CEMIP: variants seen among roughly 807,000 people sequenced by gnomAD.
CEMIP encodes the protein cell migration-inducing and hyaluronan-binding protein.
CEMIP carries 105 observed loss-of-function variants against 156.9 expected under a neutral mutation model. The observed-to-expected ratio is 0.67, with a 90% CI of 0.57 to 0.79. CEMIP has a LOEUF of 0.79. CEMIP is among the 30% of genes least tolerant of loss of function. The pLI is 0.00. For synonymous variants in CEMIP, 676 were observed against 668.4 expected, an observed-to-expected ratio of 1.01 and a Z score of -0.17; for missense variants, 1,457 against 1,769.4, an observed-to-expected ratio of 0.82 and a Z score of 3.17.
intron 1 of CEMIP, among the ~76,000 whole-genome samples, chr15:80,802,865 C>A (rs1016277703): frequency 1.3e-5 from 2 of 152,096 alleles, no homozygotes; most frequent in African/African-American, 4.8e-5. Context: ...GGAGGAATAC[C>A]CTTGGTTTTG....
chr15:80,858,725 CA>C (rs549541547), intron 1 of CEMIP, among the ~76,000 whole-genome samples: 13 of 146,092 alleles, frequency 8.9e-5, no homozygotes, highest in Non-Finnish European at 1.4e-4. Context: ...AACTCCATCT[CA>C]AAAAAAAAAG....
chr15:80,825,383 A>G (rs1897011333), intron 1 of CEMIP, among the ~76,000 whole-genome samples: 1 of 152,234 alleles, frequency 6.6e-6, no homozygotes, highest in Non-Finnish European at 1.5e-5. Context: ...ATAGTAGTGA[A>G]TAGCTGAACC....
At chr15:80,909,653 T>C (rs28450224) in intron 14 of CEMIP, 13,228 of 468,264 alleles carry the variant, frequency 0.028, 1,454 homozygotes, top group African/African-American at 0.24. Flanking sequence ...AGGGGGATCA[T>C]GCGAAGACCC....
intron 3 of CEMIP, 103 bp downstream of exon 3, chr15:80,874,076 G>C: frequency 8.9e-7 from 1 of 1,119,078 alleles, no homozygotes; most frequent in Non-Finnish European, 1.3e-6. Flanking sequence ...GGAGCCGTGG[G>C]AGTGGGTCAG....
chr15:80,818,765 G>A (rs56788414), intron 1 of CEMIP, among the ~76,000 whole-genome samples: 3 of 152,338 alleles, frequency 2.0e-5, no homozygotes, highest in African/African-American at 7.2e-5. Context: ...TGGTTCTGGG[G>A]CTTGTAGAGA....
intron 17 of CEMIP, among the ~76,000 whole-genome samples, chr15:80,923,345 G>A (rs1324617466): frequency 6.6e-6 from 1 of 152,188 alleles, no homozygotes; most frequent in Non-Finnish European, 1.5e-5. Flanking sequence ...ACAGAGGGAG[G>A]TGCAGGGGGC....
At chr15:80,876,270 G>C (rs1898474222) in intron 3 of CEMIP, among the ~76,000 whole-genome samples, 1 of 152,190 alleles carries the variant, frequency 6.6e-6, no homozygotes, top group Non-Finnish European at 1.5e-5. Context: ...CCAAGCACCT[G>C]ACCCTGTCTG....
In CEMIP at chr15:80,802,702, A is replaced by G. The variant is rs1896409928; in HGVS notation, c.-176+23088A>G. ...ATATATTTCCTGGAAGACTTCTGAC[A>G]TGTTCACATGCCTATCTTGGAATGT... On this transcript the variant is annotated intron_variant, in intron 1 of 29. Transcript: ENST00000394685. 2.0e-5 allele frequency among the ~76,000 whole-genome samples: 3 copies of G among 152,340 alleles called. No homozygotes were observed. The South Asian group carries it at 6.2e-4, about 32-fold the overall frequency.
chr15:80,849,481 C>G (rs553561995), intron 1 of CEMIP, among the ~76,000 whole-genome samples: 96 of 152,226 alleles, frequency 6.3e-4, no homozygotes, highest in Non-Finnish European at 9.3e-4. Flanking sequence ...TCTGAGTCAC[C>G]CTGGCCTCTT....
chr15:80,887,895 G>C, intron 8 of CEMIP, 131 bp downstream of exon 8: 1 of 784,334 alleles, frequency 1.3e-6, no homozygotes, highest in South Asian at 1.5e-5. Context: ...TGAGTGAGCA[G>C]CCGCTTAACT....
chr15:80,795,992 T>A (rs1195237892), intron 1 of CEMIP, among the ~76,000 whole-genome samples: 1 of 152,248 alleles, frequency 6.6e-6, no homozygotes, highest in East Asian at 1.9e-4. Flanking sequence ...CTCTGATTCA[T>A]GTTGCAATTT....
rs141083597 is a variant in CEMIP at position 80,919,281 on chromosome 15, G to A, written c.1798-813G>A. ...GCACACCTGCCCCAGCTCAGGTGCT[G>A]CTCCTAGATGAAGTTCCCTCGTCCA... On this transcript the variant is annotated intron_variant, in intron 14 of 29. Transcript: ENST00000394685. 7.1e-3 allele frequency among the ~76,000 whole-genome samples: 1,084 copies of A among 152,286 alleles called. 11 individuals are homozygous for A. The highest frequency in any genetic ancestry group is 0.025 in the African/African-American group (1,032 of 41,556).
chr15:80,817,531 G>A (rs1302648616), intron 1 of CEMIP, among the ~76,000 whole-genome samples: 2 of 151,754 alleles, frequency 1.3e-5, no homozygotes, highest in Non-Finnish European at 2.9e-5. Context: ...AGTCCGGGAG[G>A]TAGAGGTTGT....
intron 1 of CEMIP, among the ~76,000 whole-genome samples, chr15:80,796,131 G>A (rs537536360): frequency 6.6e-6 from 1 of 151,994 alleles, no homozygotes; most frequent in South Asian, 2.1e-4. Context: ...TTTCTTTTTT[G>A]TTTATTTATT....
At chr15:80,909,567 G>A (rs1041005852) in intron 14 of CEMIP, 1 of 554,454 alleles carries the variant, frequency 1.8e-6, no homozygotes, top group Non-Finnish European at 3.4e-6. Context: ...AGTTTTTCCT[G>A]TACTTCATTG....
intron 1 of CEMIP, among the ~76,000 whole-genome samples, chr15:80,839,486 G>A (rs1897342668): frequency 6.6e-6 from 1 of 152,164 alleles, no homozygotes; most frequent in Non-Finnish European, 1.5e-5. Context: ...GGGCCCTGCA[G>A]GAGGGCCAGC....
At chr15:80,897,270 G>T (rs1314391831) in intron 12 of CEMIP, 2 of 455,950 alleles carry the variant, frequency 4.4e-6, no homozygotes, top group Admixed American at 2.4e-5. Flanking sequence ...TATTATTTTG[G>T]AAAGAAACCC....
At chr15:80,937,746 G>A in intron 24 of CEMIP, 48 bp from the exon 25 acceptor site, 1 of 1,587,468 alleles carries the variant, frequency 6.3e-7, no homozygotes, top group Non-Finnish European at 8.7e-7. Context: ...CAAAGGCCCT[G>A]TGGCCTGGAC....
intron 1 of CEMIP, among the ~76,000 whole-genome samples, chr15:80,830,001 T>TGCGCGC (rs199685035): frequency 1.2e-5 from 1 of 81,476 alleles, no homozygotes; most frequent in African/African-American, 4.5e-5. Flanking sequence ...TGTGTGTGTG[T>TGCGCGC]GCGCGCATGT....
Sources: gnomAD v4.1 joint callset for allele counts (sites outside exome capture counted in the v4.1 genomes callset) on GRCh38, gnomAD v4.1.1 for gene constraint, MANE v1.5 for transcripts, NCBI Gene and HGNC (gene_info 2026-07-23, HGNC 2026-07-21) for gene names.